Variants in MACF1 observed in about 807,000 individuals in gnomAD.
MACF1 encodes microtubule actin crosslinking factor 1, also known as microtubule-actin cross-linking factor 1.
In MACF1, 193 loss-of-function variants were observed where a neutral mutation model predicts 854.8. The observed-to-expected ratio is 0.23, with a 90% CI of 0.20 to 0.25. MACF1 has a LOEUF of 0.25. MACF1 is among the 10% of genes least tolerant of loss of function. MACF1 has a pLI of 1.00. For missense variants in MACF1, 7,722 were observed against 8,929.1 expected (o/e 0.86, Z 5.45); for synonymous variants, 3,185 against 3,226.7 (o/e 0.99, Z 0.44).
Position 39,414,638 on chromosome 1 carries a change from ATACTT to A in MACF1, c.15817-7733_15817-7729del, listed in dbSNP as rs371338854. On this transcript the variant is annotated intron_variant, in intron 58 of 100. Transcript: ENST00000564288. The stretch of plus-strand genomic sequence containing the variant: ...TTTCTGTTCAGTTTTTGGGGAAAAT[ATACTT>A]TAATTTTGTCTGGTGAAAGACTTTA... 74 of 1,138,308 alleles carry A rather than the reference ATACTT, an allele frequency of 6.5e-5. 1 individual carries two copies. In the African/African-American group the frequency reaches 9.7e-4, roughly 15 times the overall value. 70.5% of individuals were successfully genotyped at this position (1,138,308 alleles called of 1,614,324 possible).
At position 39,458,029 on chromosome 1, in the gene MACF1, G is replaced by T. The variant is rs1644476406; in HGVS notation, c.21076-341G>T. On this transcript the variant is annotated intron_variant, in intron 89 of 100. Transcript: ENST00000564288. ...GGAGAGAGAGAAAGAGGAGGAGATA[G>T]CAGGCTCCTTTTAAACAGCCAGTTC... The T allele has an allele frequency of 1.6e-5, 3 of 182,052 alleles. No homozygotes were observed. In the South Asian group the frequency reaches 4.6e-4, roughly 28 times the overall value. 11.3% of individuals were successfully genotyped at this position (182,052 alleles called of 1,614,324 possible).
intron 2 of MACF1, chr1:39,103,857 G>C (rs1391190671): frequency 6.6e-6 from 1 of 152,240 alleles, no homozygotes; most frequent in East Asian, 1.9e-4. Context: ...CCTGATTTCT[G>C]ATCAGGGTGT....
chr1:39,379,770 T>C (rs1650021472), intron 54 of MACF1, among the ~76,000 whole-genome samples: 1 of 152,230 alleles, frequency 6.6e-6, no homozygotes, highest in African/African-American at 2.4e-5. Flanking sequence ...ACCATTCTTA[T>C]CAAAGTATCT....
intron 58 of MACF1, among the ~76,000 whole-genome samples, chr1:39,418,496 A>G (rs1360401570): frequency 6.6e-6 from 1 of 152,262 alleles, no homozygotes; most frequent in Non-Finnish European, 1.5e-5. Flanking sequence ...CCCAAAGATC[A>G]TTTAGAGATC....
chr1:39,190,947 C>T (rs1644248532), intron 2 of MACF1, among the ~76,000 whole-genome samples: 1 of 152,044 alleles, frequency 6.6e-6, no homozygotes, highest in Non-Finnish European at 1.5e-5. Context: ...GAGCTGAGAT[C>T]GCACCACTGC....
At chr1:39,359,677 AT>A (rs1557608527) in intron 47 of MACF1, among the ~76,000 whole-genome samples, 1 of 152,018 alleles carries the variant, frequency 6.6e-6, no homozygotes, top group Non-Finnish European at 1.5e-5. Flanking sequence ...TAATAACAAT[AT>A]ATCGTATACA....
rs1331347711 is a variant in MACF1, at chr1:39,175,886, A to C, written c.221-55296A>C. Among the ~76,000 whole-genome samples, 3 of 148,422 alleles carry C rather than the reference A, an allele frequency of 2.0e-5. No homozygotes were observed. In the East Asian group the frequency reaches 6.0e-4, roughly 30 times the overall value. Reference sequence around the variant, plus strand: ...GCCAAGGAGGGTGGATCACAAGGTCAGGAGATCAAGACCATCCTGGCTAAC... The same window carrying C: ...GCCAAGGAGGGTGGATCACAAGGTCCGGAGATCAAGACCATCCTGGCTAAC... On this transcript the variant is annotated intron_variant, in intron 2 of 93. Coordinates refer to the MACF1 transcript ENST00000361689.
chr1:39,337,261 T>C lies in MACF1; in HGVS notation c.10145T>C (p.Met3382Thr). The C allele has an allele frequency of 6.2e-7, 1 of 1,614,112 alleles. No homozygotes were observed. The highest frequency in any genetic ancestry group is 8.5e-7 in the Non-Finnish European group (1 of 1,179,984). Reference protein sequence around the residue: ...SYLSLLRNIEMRTKQIQPLEL... With the variant: ...SYLSLLRNIETRTKQIQPLEL... The stretch of plus-strand genomic sequence containing the variant: ...CTGTCTCTGTTACGGAACATTGAAA[T>C]GAGGACCAAACAGATTCAACCTTTG... Residue 3382 changes from methionine to threonine, a missense_variant, in exon 38 of 101, where the codon ATG becomes ACG. Physicochemically the swap from Met to Thr is moderately conservative, Grantham distance 81. Transcript: ENST00000564288.
chr1:39,443,389 G>T lies in MACF1; in HGVS notation c.19303-57G>T, dbSNP rs566273090. On this transcript the variant is annotated intron_variant, in intron 78 of 100. Transcript: ENST00000564288. Reference sequence around the variant, plus strand: ...AACTCCTCATATCATTTGGAAAGTTGACTTTTAAAGCTGAGAAATGACTAC... The same window carrying T: ...AACTCCTCATATCATTTGGAAAGTTTACTTTTAAAGCTGAGAAATGACTAC... 9.1e-6 allele frequency: 14 copies of T among 1,539,722 alleles called. No individual in the cohort carries two copies. The African/African-American group carries it at 1.4e-4, about 15-fold the overall frequency.
At chr1:39,295,969 G>A in intron 20 of MACF1, 87 bp downstream of exon 20, 1 of 1,175,730 alleles carries the variant, frequency 8.5e-7, no homozygotes, top group Non-Finnish European at 1.2e-6. Context: ...GTGTGCTTTT[G>A]TTGTATAAAC....
At chr1:39,345,486 G>T (rs1414011777) in intron 40 of MACF1, among the ~76,000 whole-genome samples, 1 of 151,864 alleles carries the variant, frequency 6.6e-6, no homozygotes, top group African/African-American at 2.4e-5. Flanking sequence ...TGGTGCACAC[G>T]TGTGGTCCCA....
At chr1:39,108,408 G>A (rs1642301486) in intron 2 of MACF1, among the ~76,000 whole-genome samples, 1 of 151,588 alleles carries the variant, frequency 6.6e-6, no homozygotes, top group Non-Finnish European at 1.5e-5. Flanking sequence ...GTCATACTGT[G>A]ATAAGTGCTA....
rs1488493465 is a variant in MACF1, at chr1:39,357,902, G to T, written c.11943+9G>T. 6.3e-7 allele frequency: 1 copy of T among 1,593,118 alleles called. No homozygotes were observed. The highest frequency in any genetic ancestry group is 8.5e-7 in the Non-Finnish European group (1 of 1,170,684). On this transcript the variant is annotated intron_variant, in intron 45 of 100. Coordinates refer to ENST00000564288, the MANE Select transcript of MACF1 (RefSeq NM_001394062.1). ...CTGCTCTCCACTCAAAGGTAAGGGG[G>T]CAGTTCCTGGCATCCTTGGTGAAAC...
intron 2 of MACF1, among the ~76,000 whole-genome samples, chr1:39,239,877 T>C (rs973808845): frequency 2.0e-5 from 3 of 152,230 alleles, no homozygotes; most frequent in Non-Finnish European, 4.4e-5. Flanking sequence ...AAATTTTTAA[T>C]AATGCTTACA....
chr1:39,427,883 C>T, intron 62 of MACF1, 78 bp from the exon 63 acceptor site: 9 of 1,135,050 alleles, frequency 7.9e-6, no homozygotes, highest in Non-Finnish European at 7.4e-6. Flanking sequence ...TTTGTTGTAT[C>T]ATTTGTTATT....
chr1:39,325,969 G>T (rs1224819654), intron 35 of MACF1, among the ~76,000 whole-genome samples: 1 of 152,162 alleles, frequency 6.6e-6, no homozygotes, highest in East Asian at 1.9e-4. Flanking sequence ...TCTCTAACTG[G>T]ATTTACCTAG....
At chr1:39,220,145 T>C (rs1644631651) in intron 1 of MACF1, among the ~76,000 whole-genome samples, 1 of 152,134 alleles carries the variant, frequency 6.6e-6, no homozygotes, top group Non-Finnish European at 1.5e-5. Context: ...TTTCAATACC[T>C]ATGGTTGTCC....
At chr1:39,255,740 GATAA>G (rs1645089979) in intron 5 of MACF1, among the ~76,000 whole-genome samples, 1 of 152,144 alleles carries the variant, frequency 6.6e-6, no homozygotes, top group East Asian at 1.9e-4. Flanking sequence ...GAAATAAATT[GATAA>G]ATAAAAGTGG....
At position 39,334,074 on chromosome 1, in the gene MACF1, C is replaced by T. The variant is rs765652457; in HGVS notation, c.7486C>T (p.Arg2496Cys). ...TCTTTTGGAGAGAGAGGAGGCCGTT[C>T]GTTTGTTGACTAAGCAAGTGGTAGA... is the stretch of plus-strand genomic sequence containing the variant. ...RGLLEREEAV[R>C]LLTKQVVDGG... is the part of the protein sequence containing the mutation. Residue 2496 changes from arginine to cysteine, a missense_variant, in exon 37 of 101, where the codon CGT (arginine) becomes TGT (cysteine). By Grantham distance (180) the Arg-to-Cys change is radical (BLOSUM62 -3). Coordinates refer to ENST00000564288, the MANE Select transcript of MACF1 (RefSeq NM_001394062.1). 24 of 1,614,004 alleles carry T rather than the reference C, an allele frequency of 1.5e-5. No homozygotes were observed. The East Asian group carries it at 3.3e-4, about 22-fold the overall frequency.
Sources: allele counts gnomAD v4.1 joint callset (sites outside exome capture counted in the v4.1 genomes callset), GRCh38; gene constraint gnomAD v4.1.1; transcripts MANE v1.5; gene names NCBI Gene and HGNC (gene_info 2026-07-23, HGNC 2026-07-21).